The following PHAX variants were observed in gnomAD, a reference collection of about 807,000 sequenced individuals.
The protein encoded by PHAX is phosphorylated adapter RNA export protein.
PHAX carries 31 observed loss-of-function variants against 41.6 expected under a neutral mutation model. The observed-to-expected ratio is 0.75, with a 90% CI of 0.56 to 1.01. PHAX has a LOEUF of 1.01. PHAX is among the 50% of genes least tolerant of loss of function. The probability of loss-of-function intolerance (pLI) is 0.00; values close to 1 mark genes in which losing one functional copy is unlikely to be tolerated. For missense variants in PHAX, 453 were observed against 472.9 expected, an observed-to-expected ratio of 0.96 and a Z score of 0.39; for synonymous variants, 175 against 164.9, an observed-to-expected ratio of 1.06 and a Z score of -0.47.
intron 4 of PHAX, among the ~76,000 whole-genome samples, chr5:126,619,733 T>G (rs1488807243): frequency 2.6e-5 from 4 of 152,092 alleles, no homozygotes; most frequent in African/African-American, 9.7e-5. Context: ...AAATCATGTT[T>G]GTGTTACTGG....
rs201938664 is a variant in PHAX, at chr5:126,624,886, A to G, written c.*42A>G. 35 of 1,540,516 alleles carry G rather than the reference A, an allele frequency of 2.3e-5. 1 individual carries two copies. The highest frequency in any genetic ancestry group is 1.7e-4 in the Middle Eastern group (1 of 5,782). On this transcript the variant is annotated 3_prime_UTR_variant, in exon 5 of 5. Transcript: ENST00000297540. ...TTGAGGACTAAGCCTTTCTAAAATA[A>G]CATTGTAATAAACCATTTTTACTGA...
rs375934618 is a variant in PHAX at position 126,613,359 on chromosome 5, TAAAC to T, written c.832-3888_832-3885del. Among the ~76,000 whole-genome samples, 102 of 152,130 alleles carry T rather than the reference TAAAC, an allele frequency of 6.7e-4. 2 individuals carry two copies. Among genetic ancestry groups the T allele is most frequent in the African/African-American group, 2.1e-3 (89 of 41,510 alleles). On this transcript the variant is annotated intron_variant, in intron 3 of 4. Transcript: ENST00000297540. ...AACATGACTCTGTCTCAAAAATAAA[TAAAC>T]AAGCCAATTTATATGACAGAATCCC...
rs116353695 is a variant in PHAX, at chr5:126,610,602, A to G, written c.831+2118A>G. Reference sequence around the variant, plus strand: ...TTCATTCAGTTGAACACAGAGTTACAGATTTCATCAATATTTTAGTACTGT... The same window carrying G: ...TTCATTCAGTTGAACACAGAGTTACGGATTTCATCAATATTTTAGTACTGT... On this transcript the variant is annotated intron_variant, in intron 3 of 4. Coordinates refer to ENST00000297540, the MANE Select transcript of PHAX (RefSeq NM_032177.4). Among the ~76,000 whole-genome samples, 352 of 152,370 alleles carry G rather than the reference A, an allele frequency of 2.3e-3. 4 individuals carry two copies. Among genetic ancestry groups the G allele is most frequent in the African/African-American group, 7.9e-3 (329 of 41,590 alleles).
At chr5:126,616,880 C>CAA (rs35808274) in intron 3 of PHAX, among the ~76,000 whole-genome samples, 6 of 91,214 alleles carry the variant, frequency 6.6e-5, no homozygotes, top group Admixed American at 1.2e-4. Context: ...AACTCCATCT[C>CAA]AAAAAAAAAA....
chr5:126,621,988 G>A (rs907045215), intron 4 of PHAX, among the ~76,000 whole-genome samples: 3 of 152,000 alleles, frequency 2.0e-5, no homozygotes, highest in South Asian at 2.1e-4. Context: ...TTTTTGAGAC[G>A]GAGTCTCCTA....
At chr5:126,616,880 C>CAAA (rs35808274) in intron 3 of PHAX, among the ~76,000 whole-genome samples, 2 of 91,218 alleles carry the variant, frequency 2.2e-5, no homozygotes, top group African/African-American at 7.0e-5. Flanking sequence ...AACTCCATCT[C>CAAA]AAAAAAAAAA....
Position 126,603,896 on chromosome 5 carries a change from C to T in PHAX, c.423C>T (p.Gly141=). Residue 141 remains glycine (G), a synonymous_variant, in exon 2 of 5, where the codon GGC becomes GGT. Coordinates refer to ENST00000297540, the MANE Select transcript of PHAX (RefSeq NM_032177.4). ...ATELGILGME[G]TIDRSRQSET... is the part of the protein sequence containing the mutation. The stretch of plus-strand genomic sequence containing the variant: ...AACTTGGTATCTTGGGAATGGAGGG[C>T]ACTATTGACAGAAGCAGACAATCCG... 6.2e-7 allele frequency: 1 copy of T among 1,613,946 alleles called. No homozygotes were observed. Among genetic ancestry groups the T allele is most frequent in the South Asian group, 1.1e-5 (1 of 91,066 alleles).
At chr5:126,611,357 A>G (rs1000018620) in intron 3 of PHAX, among the ~76,000 whole-genome samples, 1 of 152,074 alleles carries the variant, frequency 6.6e-6, no homozygotes, top group African/African-American at 2.4e-5. Flanking sequence ...CCCGGCCTCC[A>G]AATTTACTTT....
At chr5:126,619,042 T>C (rs1278072952) in intron 4 of PHAX, among the ~76,000 whole-genome samples, 1 of 152,150 alleles carries the variant, frequency 6.6e-6, no homozygotes. Flanking sequence ...TAGATGACCC[T>C]CAGCCTCCCA....
At position 126,605,166 on chromosome 5, in the gene PHAX, AT is replaced by A. The variant is rs879878122; in HGVS notation, c.710+998del. On this transcript the variant is annotated intron_variant, in intron 2 of 4. Transcript: ENST00000297540. ...GCATCAACCACTGCGCTGTCCACAG[AT>A]TTTTTTTTTTTTTTAAGAGATGGTC... Among the ~76,000 whole-genome samples the A allele has an allele frequency of 5.4e-3, 772 of 142,900 alleles. 1 individual carries two copies. Among genetic ancestry groups the A allele is most frequent in the African/African-American group, 6.7e-3 (263 of 39,198 alleles). 93.7% of individuals were successfully genotyped at this position (142,900 alleles called of 152,430 possible). A position where few individuals can be genotyped will look rare whatever the true frequency, so the allele number is the denominator to read the frequency against.
chr5:126,602,205 C>A (rs1299187215), intron 1 of PHAX, among the ~76,000 whole-genome samples: 3 of 152,246 alleles, frequency 2.0e-5, no homozygotes, highest in Non-Finnish European at 4.4e-5. Flanking sequence ...CCTCGGCCTC[C>A]CAAAGTGCTG....
chr5:126,623,542 CT>C (rs1752303184), intron 4 of PHAX, among the ~76,000 whole-genome samples: 1 of 152,138 alleles, frequency 6.6e-6, no homozygotes, highest in African/African-American at 2.4e-5. Context: ...TTACCTTTGT[CT>C]TTTCTCACGT....
At chr5:126,617,413 T>C in intron 4 of PHAX, 80 bp downstream of exon 4, 1 of 736,492 alleles carries the variant, frequency 1.4e-6, no homozygotes, top group South Asian at 1.7e-5. Flanking sequence ...TCTATGGATA[T>C]GCATTACCTG....
chr5:126,612,846 T>C (rs547592178), intron 3 of PHAX, among the ~76,000 whole-genome samples: 333 of 152,276 alleles, frequency 2.2e-3, no homozygotes, highest in Non-Finnish European at 3.6e-3. Context: ...GGTCAGATTC[T>C]GGGTATATGT....
chr5:126,616,834 T>C (rs1363812832), intron 3 of PHAX, among the ~76,000 whole-genome samples: 3 of 147,474 alleles, frequency 2.0e-5, no homozygotes, highest in Admixed American at 7.0e-5. Flanking sequence ...TGAGCCGAGA[T>C]CGCGCCATTT....
At chr5:126,617,360 G>C in intron 4 of PHAX, 27 bp downstream of exon 4, 1 of 1,387,596 alleles carries the variant, frequency 7.2e-7, no homozygotes, top group Non-Finnish European at 1.0e-6. Flanking sequence ...CACCTCTTAA[G>C]CGCCATCATA....
chr5:126,611,830 A>G (rs1752106873), intron 3 of PHAX, among the ~76,000 whole-genome samples: 1 of 151,990 alleles, frequency 6.6e-6, no homozygotes, highest in Non-Finnish European at 1.5e-5. Flanking sequence ...GGGAAAAGAA[A>G]GAAATCAGAT....
intron 4 of PHAX, among the ~76,000 whole-genome samples, chr5:126,619,146 C>A (rs1752232614): frequency 6.6e-6 from 1 of 152,146 alleles, no homozygotes; most frequent in Non-Finnish European, 1.5e-5. Context: ...AGGCTGGTCT[C>A]CAACTCCTGG....
chr5:126,610,058 CAGAT>C (rs1752056701), intron 3 of PHAX, among the ~76,000 whole-genome samples: 1 of 152,124 alleles, frequency 6.6e-6, no homozygotes, highest in Non-Finnish European at 1.5e-5. Flanking sequence ...TATGTAAGCA[CAGAT>C]AGATACACAA....
Sources: allele counts gnomAD v4.1 joint callset (sites outside exome capture counted in the v4.1 genomes callset), GRCh38; gene constraint gnomAD v4.1.1; transcripts MANE v1.5; gene names NCBI Gene and HGNC (gene_info 2026-07-23, HGNC 2026-07-21).